TF: variants seen among roughly 807,000 people sequenced by gnomAD.
The protein encoded by TF is serotransferrin.
Under a neutral mutation model 82.4 loss-of-function variants are expected in TF, and 55 were observed. The ratio of observed to expected loss-of-function variants is 0.67; its 90% CI spans 0.54 to 0.84. The LOEUF is 0.84. Among genes scored for constraint, TF ranks in the 40% least tolerant of loss-of-function variants. The pLI is 0.00. For synonymous variants in TF, 332 were observed against 332.6 expected (o/e 1.00, Z 0.02); for missense variants, 737 against 868.4 (o/e 0.85, Z 1.90).
At chr3:133,770,595 C>G (rs892080673) in intron 14 of TF, 23 bp downstream of exon 14, 5 of 1,612,910 alleles carry the variant, frequency 3.1e-6, no homozygotes, top group Middle Eastern at 1.6e-4. Flanking sequence ...GCTCCTCTGT[C>G]CCCCTAGATC....
In TF at chr3:133,756,770, G is replaced by C. The variant is rs7633232; in HGVS notation, c.692-61G>C. ...CTTTCTATGATCAATTGAATTTCAA[G>C]GATGGGCACCACAGCCCATGGCTCT... On this transcript the variant is annotated intron_variant, in intron 6 of 16. Transcript: ENST00000402696. 2.9e-3 allele frequency: 4,660 copies of C among 1,594,456 alleles called. 116 individuals carry two copies. The African/African-American group carries it at 0.055, about 19-fold the overall frequency.
chr3:133,682,957 G>A, the TF span, among the ~76,000 whole-genome samples: 1 of 152,230 alleles, frequency 6.6e-6, no homozygotes, highest in Non-Finnish European at 1.5e-5. Context: ...CAGAGAGAAA[G>A]GTTGGGTTAC....
At chr3:133,726,394 A>G in the TF span, among the ~76,000 whole-genome samples, 1 of 152,048 alleles carries the variant, frequency 6.6e-6, no homozygotes, top group Non-Finnish European at 1.5e-5. Context: ...GGGAGAGTGT[A>G]TGTGTTGAGG....
At chr3:133,662,110 G>T in the TF span, 1 of 152,330 alleles carries the variant, frequency 6.6e-6, no homozygotes, top group East Asian at 1.9e-4. Flanking sequence ...TGCTGGGCGG[G>T]CCTAGTCTCC....
Position 133,793,672 on chromosome 3 carries a change from GT to G in TF, c.*15057del, listed in dbSNP as rs2107956646. 1 of 152,148 alleles carries G rather than the reference GT, an allele frequency of 6.6e-6. No individual in the cohort carries two copies. The highest frequency in any genetic ancestry group is 2.1e-4 in the South Asian group (1 of 4,822). The allele number at this position is 152,148 out of a possible 1,614,324, so 9.4% of individuals were successfully genotyped here. A position where few individuals can be genotyped will look rare whatever the true frequency, so the allele number is the denominator to read the frequency against. ...ATAACCAAATTTCCTTGTCAATTGTGTTTTTAACTATAACTATTTAAAGTCA... is the reference window on the plus strand; with the variant it reads ...ATAACCAAATTTCCTTGTCAATTGTGTTTTAACTATAACTATTTAAAGTCA... On this transcript the variant is annotated 3_prime_UTR_variant, in exon 17 of 17. Transcript: ENST00000402696.
chr3:133,775,169 T>C (rs1307483632), intron 14 of TF: 7 of 539,468 alleles, frequency 1.3e-5, no homozygotes, highest in Non-Finnish European at 2.3e-5. Context: ...GAACAGCATC[T>C]GCAGAATGTA....
intron 16 of TF, 60 bp from the exon 17 acceptor site, chr3:133,778,526 C>T (rs567906535): frequency 1.3e-6 from 2 of 1,574,518 alleles, no homozygotes; most frequent in African/African-American, 2.7e-5. Flanking sequence ...AATCACTCGA[C>T]AGTTCAGAAA....
At chr3:133,721,947 T>G in the TF span, among the ~76,000 whole-genome samples, 1 of 152,150 alleles carries the variant, frequency 6.6e-6, no homozygotes, top group South Asian at 2.1e-4. Context: ...TGATACGAAC[T>G]TGGCTCACTG....
the TF span, among the ~76,000 whole-genome samples, chr3:133,667,525 C>A: frequency 6.6e-6 from 1 of 152,050 alleles, no homozygotes; most frequent in Non-Finnish European, 1.5e-5. Flanking sequence ...GGTCCTGTCA[C>A]CCAAGCTAGG....
In TF at chr3:133,755,445, G is replaced by T. The variant is rs376851470; in HGVS notation, c.585G>T (p.Gly195=). 6.2e-7 allele frequency: 1 copy of T among 1,614,116 alleles called. No homozygotes were observed. Among genetic ancestry groups the T allele is most frequent in the Non-Finnish European group, 8.5e-7 (1 of 1,180,054 alleles). Residue 195 remains glycine, a synonymous_variant, in exon 5 of 17, where the codon GGG becomes GGT. Transcript: ENST00000402696. ...CCCAGCTGTGTCAACTGTGTCCAGG[G>T]TGTGGCTGCTCCACCCTTAACCAAT... ...DFPQLCQLCP[G]CGCSTLNQYF...
At chr3:133,764,725 C>T in intron 10 of TF, 150 bp from the exon 11 acceptor site, 1 of 754,104 alleles carries the variant, frequency 1.3e-6, no homozygotes, top group South Asian at 1.7e-5. Context: ...TTGCATGATC[C>T]AGAGAGTCTG....
Position 133,779,509 on chromosome 3 carries a change from T to G in TF, c.*889T>G, listed in dbSNP as rs1934471876. On this transcript the variant is annotated 3_prime_UTR_variant, in exon 17 of 17. Coordinates refer to ENST00000402696, the MANE Select transcript of TF (RefSeq NM_001063.4). ...CCTTGGAACTCTTTTCCTCAGTTTC[T>G]CTGACATGGCAGGTCTCTGCTTTGA... 1.3e-5 allele frequency: 2 copies of G among 152,338 alleles called. No homozygotes were observed. The highest frequency in any genetic ancestry group is 1.3e-4 in the Admixed American group (2 of 15,292). 9.4% of individuals were successfully genotyped at this position (152,338 alleles called of 1,614,324 possible).
the TF span, among the ~76,000 whole-genome samples, chr3:133,682,484 C>T: frequency 6.6e-6 from 1 of 152,124 alleles, no homozygotes; most frequent in Non-Finnish European, 1.5e-5. Context: ...GAATGGCTAA[C>T]TAGAATAAAC....
chr3:133,748,502 T>A lies in TF; in HGVS notation c.134T>A (p.Met45Lys). The A allele has an allele frequency of 6.2e-7, 1 of 1,614,126 alleles. No homozygotes were observed. The change falls in exon 2 of 17, where the codon ATG becomes AAG. Residue 45 changes from methionine (M) to lysine (K), a missense_variant. Coordinates refer to ENST00000402696, the MANE Select transcript of TF (RefSeq NM_001063.4). The part of the protein sequence containing the change: ...ATKCQSFRDH[M>K]KSVIPSDGPS... Reference sequence around the variant, plus strand: ...AAGTGCCAGAGTTTCCGCGACCATATGAAAAGCGTCATTCCATCCGATGGT... The same window carrying A: ...AAGTGCCAGAGTTTCCGCGACCATAAGAAAAGCGTCATTCCATCCGATGGT...
chr3:133,701,925 C>T, the TF span: 3 of 152,786 alleles, frequency 2.0e-5, no homozygotes, highest in South Asian at 2.1e-4. Flanking sequence ...TTGGATCCCT[C>T]CACCCGGCCT....
chr3:133,729,566 C>T, the TF span, among the ~76,000 whole-genome samples: 3 of 152,352 alleles, frequency 2.0e-5, no homozygotes, highest in Non-Finnish European at 2.9e-5. Context: ...TCTGTCACCC[C>T]TTTCCTTGAC....
Position 133,747,504 on chromosome 3 carries a change from G to A in TF, c.44-908G>A, listed in dbSNP as rs1349286544. Among the ~76,000 whole-genome samples, 4 of 152,234 alleles carry A rather than the reference G, an allele frequency of 2.6e-5. No homozygotes were observed. In the South Asian group the frequency reaches 8.3e-4, roughly 32 times the overall value. Reference sequence around the variant, plus strand: ...GCTTTGTGGATCTTCTTCAGAGCCAGTGAGTCAGCCTTGCTGTGGTGGCCC... The same window carrying A: ...GCTTTGTGGATCTTCTTCAGAGCCAATGAGTCAGCCTTGCTGTGGTGGCCC... On this transcript the variant is annotated intron_variant, in intron 1 of 16. Transcript: ENST00000402696.
At chr3:133,735,341 A>C in the TF span, among the ~76,000 whole-genome samples, 86 of 44,460 alleles carry the variant, frequency 1.9e-3, no homozygotes, top group South Asian at 0.02. Flanking sequence ...CTCCATCCCA[A>C]AAAAAAAAAA....
At chr3:133,699,333 C>T in the TF span, 3 of 511,684 alleles carry the variant, frequency 5.9e-6, no homozygotes, top group East Asian at 5.6e-5. Context: ...AAAAAATTCT[C>T]CCTCAGTCCT....
Sources: allele counts gnomAD v4.1 joint callset (sites outside exome capture counted in the v4.1 genomes callset), GRCh38; gene constraint gnomAD v4.1.1; transcripts MANE v1.5; gene names NCBI Gene and HGNC (gene_info 2026-07-23, HGNC 2026-07-21).